Variants in AQR observed in about 807,000 individuals in gnomAD.
AQR encodes the protein RNA helicase aquarius.
Under a neutral mutation model 180.5 loss-of-function variants are expected in AQR, and 61 were observed. The ratio of observed to expected loss-of-function variants is 0.34; its 90% CI spans 0.28 to 0.42. The LOEUF (loss-of-function observed/expected upper bound fraction) is 0.42. Among genes scored for constraint, AQR ranks in the 10% least tolerant of loss-of-function variants. The probability of loss-of-function intolerance (pLI) is 1.00; values close to 1 mark genes in which losing one functional copy is unlikely to be tolerated. For synonymous variants in AQR, 551 were observed against 588.8 expected, an observed-to-expected ratio of 0.94 and a Z score of 0.93; for missense variants, 1,281 against 1,798.3, an observed-to-expected ratio of 0.71 and a Z score of 5.20.
Position 34,884,595 on chromosome 15 carries a change from G to C in AQR, c.2957C>G (p.Ser986Cys), listed in dbSNP as rs1178512030. The C allele has an allele frequency of 6.2e-7, 1 of 1,602,424 alleles. No individual in the cohort carries two copies. Among genetic ancestry groups the C allele is most frequent in the South Asian group, 1.1e-5 (1 of 87,694 alleles). The change falls in exon 26 of 35, where the codon TCT becomes TGT. Residue 986 changes from serine to cysteine, a missense_variant. By Grantham distance (112) the Ser-to-Cys change is moderately radical. Coordinates refer to ENST00000156471, the MANE Select transcript of AQR (RefSeq NM_014691.3). ...NAPQPIFKGR[S>C]YEEDMEIAEG... is the part of the protein sequence containing the mutation. ...AGCAATTTCCATGTCTTCTTCATAA[G>C]ATCTTCCTTTAAAAATGGGTTGAGG...
chr15:34,858,037 G>A (rs1382166548), intron 34 of AQR, among the ~76,000 whole-genome samples: 1 of 152,080 alleles, frequency 6.6e-6, no homozygotes, highest in Admixed American at 6.5e-5. Flanking sequence ...AAGCTGGAGT[G>A]CAGTGGTGCC....
chr15:34,890,071 G>T, intron 24 of AQR, 144 bp downstream of exon 24: 1 of 623,484 alleles, frequency 1.6e-6, no homozygotes, highest in Non-Finnish European at 2.6e-6. Context: ...CATATTTCTA[G>T]CTCAACATAT....
At chr15:34,919,945 A>T (rs1417172435) in intron 14 of AQR, among the ~76,000 whole-genome samples, 1 of 152,054 alleles carries the variant, frequency 6.6e-6, no homozygotes, top group Non-Finnish European at 1.5e-5. Context: ...AAAGAAGAAG[A>T]ATTCCTGAAA....
At chr15:34,921,335 G>C (rs1197885735) in intron 13 of AQR, among the ~76,000 whole-genome samples, 1 of 151,032 alleles carries the variant, frequency 6.6e-6, no homozygotes, top group Non-Finnish European at 1.5e-5. Context: ...TCAGGAGGCT[G>C]AGGCAGGAGA....
chr15:34,906,921 T>C (rs8033387), intron 17 of AQR, among the ~76,000 whole-genome samples: 2 of 152,182 alleles, frequency 1.3e-5, no homozygotes, highest in Non-Finnish European at 2.9e-5. Context: ...AAATGAAAAC[T>C]TCTTTATATT....
At chr15:34,968,767 A>G (rs1478118900) in intron 1 of AQR, among the ~76,000 whole-genome samples, 3 of 152,218 alleles carry the variant, frequency 2.0e-5, no homozygotes, top group Non-Finnish European at 4.4e-5. Flanking sequence ...AAAGATATTT[A>G]GAATGTAGAA....
chr15:34,957,725 AAAT>A lies in AQR; in HGVS notation c.173+3046_173+3048del, dbSNP rs947959924. On this transcript the variant is annotated intron_variant, in intron 3 of 34. Coordinates refer to ENST00000156471, the MANE Select transcript of AQR (RefSeq NM_014691.3). ...TCAAAAAAACATAAAAAAAACATAA[AAAT>A]AATAATAATAATAATAATAAAACAA... Among the ~76,000 whole-genome samples the A allele has an allele frequency of 1.3e-3, 132 of 104,708 alleles. 1 individual carries two copies. The highest frequency in any genetic ancestry group is 3.4e-3 in the African/African-American group (124 of 36,678). The allele number at this position is 104,708 out of a possible 152,430, so 68.7% of individuals were successfully genotyped here.
intron 1 of AQR, among the ~76,000 whole-genome samples, chr15:34,968,332 A>C (rs1210644473): frequency 6.6e-6 from 1 of 151,288 alleles, no homozygotes; most frequent in Non-Finnish European, 1.5e-5. Context: ...GGCTCACTGC[A>C]AGCTCCGCCT....
chr15:34,957,769 AAAAACAT>A (rs1894344452), intron 3 of AQR, among the ~76,000 whole-genome samples: 1 of 150,334 alleles, frequency 6.7e-6, no homozygotes, highest in Non-Finnish European at 1.5e-5. Context: ...ATAAACATGA[AAAAACAT>A]AAAACATAAA....
intron 20 of AQR, 24 bp downstream of exon 20, chr15:34,900,598 G>A (rs770057536): frequency 1.9e-6 from 3 of 1,606,812 alleles, no homozygotes; most frequent in East Asian, 4.5e-5. Flanking sequence ...TGCTGGAGAG[G>A]AGCGTACCCA....
At chr15:34,943,157 C>T (rs1894052929) in intron 6 of AQR, 1 of 1,610,966 alleles carries the variant, frequency 6.2e-7, no homozygotes, top group Non-Finnish European at 8.5e-7. Context: ...TGACACAGTA[C>T]AAGAAGGGCA....
chr15:34,897,437 G>A, intron 21 of AQR, 122 bp downstream of exon 21: 1 of 1,113,182 alleles, frequency 9.0e-7, no homozygotes, highest in Non-Finnish European at 1.3e-6. Flanking sequence ...GAAAGAAAGA[G>A]GGTTCAGAAA....
In AQR at chr15:34,939,520, T is replaced by C. The variant is rs1160838063; in HGVS notation, c.642-707A>G. On this transcript the variant is annotated intron_variant, in intron 8 of 34. Coordinates refer to ENST00000156471, the MANE Select transcript of AQR (RefSeq NM_014691.3). ...GATGAACAATATTATATTTTAACGT[T>C]TAAGTATAATAGAGTATTACAATAG... 2.6e-5 allele frequency among the ~76,000 whole-genome samples: 4 copies of C among 152,354 alleles called. No individual in the cohort carries two copies. In the East Asian group the frequency reaches 7.7e-4, roughly 29 times the overall value.
chr15:34,923,781 C>T (rs1893715391), intron 13 of AQR, among the ~76,000 whole-genome samples: 1 of 152,144 alleles, frequency 6.6e-6, no homozygotes. Context: ...TTGATCTATA[C>T]ATCTATCCAT....
intron 28 of AQR, among the ~76,000 whole-genome samples, chr15:34,875,067 G>A (rs546465826): frequency 6.6e-6 from 1 of 152,168 alleles, no homozygotes; most frequent in African/African-American, 2.4e-5. Context: ...GGGTGACAGT[G>A]GGTGAGGGAG....
At chr15:34,947,563 C>CCA (rs1566995544) in intron 5 of AQR, among the ~76,000 whole-genome samples, 1 of 146,936 alleles carries the variant, frequency 6.8e-6, no homozygotes, top group African/African-American at 2.5e-5. Flanking sequence ...AAAAATAAGA[C>CCA]AAAAAAAATA....
intron 5 of AQR, among the ~76,000 whole-genome samples, chr15:34,947,333 ACCACTCCCTAAT>A (rs958426433): frequency 1.3e-5 from 2 of 150,832 alleles, no homozygotes; most frequent in Non-Finnish European, 3.0e-5. Flanking sequence ...AAGAGTCATC[ACCACTCCCTAAT>A]CTCAAGTACC....
At position 34,938,477 on chromosome 15, in the gene AQR, G is replaced by A. The variant is rs1893976073; in HGVS notation, c.718+260C>T. ...GAACCCTGCTGGGGGAGGTTGCAGT[G>A]AGCCGAGATCATGCCACTGCACTCT... is the stretch of plus-strand genomic sequence containing the variant. On this transcript the variant is annotated intron_variant, in intron 9 of 34. Transcript: ENST00000156471. Among the ~76,000 whole-genome samples the A allele has an allele frequency of 2.6e-5, 4 of 152,082 alleles. 1 individual carries two copies. Among genetic ancestry groups the A allele is most frequent in the Admixed American group, 2.6e-4 (4 of 15,272 alleles).
chr15:34,911,336 C>A (rs945833325), intron 16 of AQR, among the ~76,000 whole-genome samples: 3 of 152,090 alleles, frequency 2.0e-5, no homozygotes, highest in Non-Finnish European at 4.4e-5. Context: ...CATATGATAG[C>A]TCTGTTTTTT....
Sources: gnomAD v4.1 joint callset for allele counts (sites outside exome capture counted in the v4.1 genomes callset) on GRCh38, gnomAD v4.1.1 for gene constraint, MANE v1.5 for transcripts, NCBI Gene and HGNC (gene_info 2026-07-23, HGNC 2026-07-21) for gene names.